The following PLA2G5 variants were observed in gnomAD, a reference collection of about 807,000 sequenced individuals.
PLA2G5 encodes the protein phospholipase A2 group V.
PLA2G5 carries 12 observed loss-of-function variants against 15.9 expected under a neutral mutation model. The observed-to-expected ratio is 0.76, with a 90% CI of 0.48 to 1.23. The LOEUF (loss-of-function observed/expected upper bound fraction) is 1.23. Among genes scored for constraint, PLA2G5 ranks in the 50% most tolerant of loss-of-function variants. The pLI is 0.00. For synonymous variants in PLA2G5, 71 were observed against 71.4 expected, an observed-to-expected ratio of 0.99 and a Z score of 0.03; for missense variants, 169 against 177.1, an observed-to-expected ratio of 0.95 and a Z score of 0.26.
rs145749049 is a variant in PLA2G5, at chr1:20,071,293, C to T, written c.-11+828C>T. 3.8e-3 allele frequency among the ~76,000 whole-genome samples: 577 copies of T among 152,328 alleles called. 1 individual carries two copies. The highest frequency in any genetic ancestry group is 0.013 in the African/African-American group (542 of 41,558). ...CTATTTTTATTAGCCATTCAACAAA[C>T]ATTTTTTCCTAGGATCCAATCTGTG... On this transcript the variant is annotated intron_variant, in intron 1 of 4. Transcript: ENST00000375108.
At chr1:20,082,911 A>C (rs983914259) in intron 1 of PLA2G5, among the ~76,000 whole-genome samples, 12 of 151,988 alleles carry the variant, frequency 7.9e-5, no homozygotes, top group African/African-American at 2.4e-4. Context: ...CCTCACTTCA[A>C]TTGTCTGAGC....
intron 1 of PLA2G5, among the ~76,000 whole-genome samples, chr1:20,041,051 C>G (rs796690554): frequency 1.3e-5 from 2 of 152,236 alleles, no homozygotes; most frequent in Non-Finnish European, 2.9e-5. Flanking sequence ...CCTCCTGAGG[C>G]TGTGTCATGG....
At chr1:20,031,181 T>C (rs759236801) in intron 1 of PLA2G5, among the ~76,000 whole-genome samples, 10 of 152,308 alleles carry the variant, frequency 6.6e-5, no homozygotes, top group South Asian at 2.1e-4. Flanking sequence ...GTCGAGAGAA[T>C]GGATTGGCCG....
At chr1:20,035,568 G>A (rs2013199005) in intron 1 of PLA2G5, among the ~76,000 whole-genome samples, 1 of 152,102 alleles carries the variant, frequency 6.6e-6, no homozygotes. Flanking sequence ...CATCTTCATG[G>A]AATATCTTTT....
At chr1:20,065,735 A>G (rs1417579027), upstream of PLA2G5, among the ~76,000 whole-genome samples, 1 of 152,218 alleles carries the variant, frequency 6.6e-6, no homozygotes, top group Admixed American at 6.5e-5. Flanking sequence ...AGGCTGCTGT[A>G]AACATTTGTG....
intron 1 of PLA2G5, among the ~76,000 whole-genome samples, chr1:20,050,294 A>T (rs2014120178): frequency 6.6e-6 from 1 of 152,182 alleles, no homozygotes; most frequent in Non-Finnish European, 1.5e-5. Context: ...CTTCAGGCCC[A>T]GTAGAAGATG....
intron 2 of PLA2G5, among the ~76,000 whole-genome samples, chr1:20,085,238 T>C (rs1397103632): frequency 6.6e-6 from 1 of 152,124 alleles, no homozygotes; most frequent in Non-Finnish European, 1.5e-5. Context: ...TCAAAACTCT[T>C]ATCTAAATAT....
intron 2 of PLA2G5, among the ~76,000 whole-genome samples, chr1:20,060,216 A>C (rs2014638594): frequency 7.0e-6 from 1 of 142,648 alleles, no homozygotes; most frequent in Non-Finnish European, 1.5e-5. Context: ...ATCTTCAATC[A>C]GTTCACTATT....
At chr1:20,041,554 T>G (rs771895039) in intron 1 of PLA2G5, among the ~76,000 whole-genome samples, 3 of 152,090 alleles carry the variant, frequency 2.0e-5, no homozygotes, top group Non-Finnish European at 4.4e-5. Context: ...GCCTGAACAA[T>G]CCCTGGGGAG....
In PLA2G5 at chr1:20,089,911, C is replaced by T. The variant is rs1198462953; in HGVS notation, c.292+16C>T. 1.3e-6 allele frequency: 2 copies of T among 1,573,424 alleles called. No homozygotes were observed. Among genetic ancestry groups the T allele is most frequent in the South Asian group, 2.3e-5 (2 of 88,766 alleles). On this transcript the variant is annotated intron_variant, in intron 4 of 4. Transcript: ENST00000375108. ...GTCACCTGCGGTAAGGCTGGGGCTT[C>T]CCGTTCGGGCCATTGGAAGAGCACC...
intron 2 of PLA2G5, among the ~76,000 whole-genome samples, chr1:20,062,673 CA>C (rs1290269070): frequency 3.3e-5 from 5 of 152,050 alleles, no homozygotes; most frequent in Non-Finnish European, 4.4e-5. Context: ...TCAGAGGGGA[CA>C]GGGGAGGTGG....
intron 1 of PLA2G5, among the ~76,000 whole-genome samples, chr1:20,071,905 C>T (rs1466340097): frequency 2.6e-5 from 4 of 152,020 alleles, no homozygotes; most frequent in Non-Finnish European, 4.4e-5. Flanking sequence ...GCCAGGAGAT[C>T]GAGACCAATC....
chr1:20,071,005 C>G (rs1159235009), intron 1 of PLA2G5: 1 of 152,264 alleles, frequency 6.6e-6, no homozygotes, highest in Non-Finnish European at 1.5e-5. Context: ...CTCTCTCTCT[C>G]TCTCGCTTCC....
intron 1 of PLA2G5, among the ~76,000 whole-genome samples, chr1:20,077,367 A>C (rs1001740292): frequency 6.6e-6 from 1 of 152,174 alleles, no homozygotes; most frequent in African/African-American, 2.4e-5. Flanking sequence ...TCATCTGTCT[A>C]TCTATCCATC....
chr1:20,070,370 C>T lies in PLA2G5; in HGVS notation c.-106C>T, dbSNP rs978989385. 309 of 985,312 alleles carry T rather than the reference C, an allele frequency of 3.1e-4. No homozygotes were observed. The highest frequency in any genetic ancestry group is 1.6e-3 in the Admixed American group (26 of 16,270). 61.0% of individuals were successfully genotyped at this position (985,312 alleles called of 1,614,324 possible). ...TGGATACCAATGTTCCGACTGGAGACGGGGAGCCCGCGAGACCCGGGTCTC... is the reference window on the plus strand; with the variant it reads ...TGGATACCAATGTTCCGACTGGAGATGGGGAGCCCGCGAGACCCGGGTCTC... On this transcript the variant is annotated 5_prime_UTR_variant, in exon 1 of 5. In the 5' UTR this introduces an upstream ATG that the reference lacks. Transcript: ENST00000375108.
chr1:20,067,678 ACT>A (rs1380369130), upstream of PLA2G5, among the ~76,000 whole-genome samples: 4 of 147,376 alleles, frequency 2.7e-5, no homozygotes, highest in Non-Finnish European at 6.0e-5. Flanking sequence ...ACAGAGTGAG[ACT>A]CTGTCTCAAA....
intron 4 of PLA2G5, 84 bp downstream of exon 4, chr1:20,089,979 C>G (rs931096400): frequency 2.1e-5 from 20 of 934,516 alleles, no homozygotes; most frequent in Admixed American, 1.6e-4. Context: ...CAGCCTGTAT[C>G]TTGTTGGGGG....
chr1:20,040,583 C>T (rs111393397), intron 1 of PLA2G5, among the ~76,000 whole-genome samples: 1 of 71,126 alleles, frequency 1.4e-5, no homozygotes, highest in African/African-American at 5.1e-5. Flanking sequence ...CAAATACACA[C>T]ACACACACAC....
chr1:20,052,812 C>T (rs766759839), intron 1 of PLA2G5, among the ~76,000 whole-genome samples: 7 of 152,226 alleles, frequency 4.6e-5, no homozygotes, highest in Non-Finnish European at 1.0e-4. Context: ...AATTTGCCTC[C>T]CATTCTATTC....
Sources: allele counts gnomAD v4.1 joint callset (sites outside exome capture counted in the v4.1 genomes callset), GRCh38; gene constraint gnomAD v4.1.1; transcripts MANE v1.5; gene names NCBI Gene and HGNC (gene_info 2026-07-23, HGNC 2026-07-21).